MDM4: variants seen among roughly 807,000 people sequenced by gnomAD.
MDM4 encodes the protein MDM4 regulator of p53.
Under a neutral mutation model 60.2 loss-of-function variants are expected in MDM4, and 2 were observed. The observed-to-expected ratio is 0.03, with a 90% CI of 0.01 to 0.10. The LOEUF (loss-of-function observed/expected upper bound fraction) is 0.10. Among genes scored for constraint, MDM4 ranks in the 10% least tolerant of loss-of-function variants. The pLI, the probability that MDM4 is intolerant of heterozygous loss-of-function variation, is 1.00. For missense variants in MDM4, 447 were observed against 577.5 expected, an observed-to-expected ratio of 0.77 and a Z score of 2.32; for synonymous variants, 202 against 198.1, an observed-to-expected ratio of 1.02 and a Z score of -0.17.
chr1:204,543,361 C>T (rs1024216905), intron 8 of MDM4, among the ~76,000 whole-genome samples: 2 of 152,298 alleles, frequency 1.3e-5, no homozygotes, highest in East Asian at 3.9e-4. Context: ...ATTAGCCAGG[C>T]GTGGTGGCGT....
At chr1:204,540,959 G>A (rs1191387892) in intron 7 of MDM4, among the ~76,000 whole-genome samples, 1 of 152,102 alleles carries the variant, frequency 6.6e-6, no homozygotes, top group African/African-American at 2.4e-5. Flanking sequence ...TATTTTAAAA[G>A]CTTAAATTTG....
Position 204,532,177 on chromosome 1 carries a change from T to A in MDM4, c.288-14T>A. The A allele has an allele frequency of 6.4e-7, 1 of 1,564,632 alleles. No homozygotes were observed. Among genetic ancestry groups the A allele is most frequent in the East Asian group, 2.3e-5 (1 of 44,430 alleles). The stretch of plus-strand genomic sequence containing the variant: ...ATTTGGGGTTGTTAATTTTTTATCT[T>A]CTCTCTTTAACAGCCCTCTCTATGA... On this transcript the variant is annotated splice_polypyrimidine_tract_variant and intron_variant, in intron 4 of 10. Coordinates refer to ENST00000367182, the MANE Select transcript of MDM4 (RefSeq NM_002393.5).
chr1:204,533,050 A>G (rs2102365632), intron 5 of MDM4, among the ~76,000 whole-genome samples: 1 of 152,332 alleles, frequency 6.6e-6, no homozygotes, highest in South Asian at 2.1e-4. Context: ...TCTGTTACAC[A>G]GGTCACTCAA....
intron 8 of MDM4, among the ~76,000 whole-genome samples, chr1:204,543,744 C>G (rs1160551318): frequency 6.6e-6 from 1 of 152,220 alleles, no homozygotes; most frequent in Non-Finnish European, 1.5e-5. Flanking sequence ...ATAGCCTCCT[C>G]TCTAGCCACT....
At chr1:204,521,976 A>T (rs954700592) in intron 1 of MDM4, among the ~76,000 whole-genome samples, 2 of 152,184 alleles carry the variant, frequency 1.3e-5, no homozygotes, top group African/African-American at 4.8e-5. Context: ...GGGTGTTCAT[A>T]TGAGGCCTTG....
intron 2 of MDM4, 35 bp downstream of exon 2, chr1:204,525,631 T>TG: frequency 7.2e-7 from 1 of 1,394,344 alleles, no homozygotes; most frequent in Non-Finnish European, 9.9e-7. Flanking sequence ...TTTTTTGGTT[T>TG]TTTTTTTTTT....
Position 204,538,256 on chromosome 1 carries a change from C to T in MDM4, c.459C>T (p.Asp153=), listed in dbSNP as rs775928214. ...CTTCCAGAAAAAGAACTACAGAAGACGATATCCCCACACTGCCTACCTCAG... is the reference window on the plus strand; with the variant it reads ...CTTCCAGAAAAAGAACTACAGAAGATGATATCCCCACACTGCCTACCTCAG... The part of the protein sequence containing the change: ...SSTSRKRTTE[D]DIPTLPTSEH... The change falls in exon 7 of 11, where the codon GAC becomes GAT. Residue 153 remains aspartate, a synonymous_variant. Transcript: ENST00000367182. 1.4e-5 allele frequency: 23 copies of T among 1,611,824 alleles called. No individual in the cohort carries two copies. The Admixed American group carries it at 2.8e-4, about 20-fold the overall frequency.
intron 5 of MDM4, among the ~76,000 whole-genome samples, chr1:204,534,150 G>A (rs897610306): frequency 2.6e-5 from 4 of 152,124 alleles, no homozygotes; most frequent in Non-Finnish European, 5.9e-5. Context: ...CTGTCATACC[G>A]AAACATGATT....
rs747896110 is a variant in MDM4 at position 204,526,381 on chromosome 1, T to C, written c.100T>C (p.Leu34=). 6.2e-7 allele frequency: 1 copy of C among 1,614,106 alleles called. No homozygotes were observed. The highest frequency in any genetic ancestry group is 8.5e-7 in the Non-Finnish European group (1 of 1,179,940). ...TCAGGTACGACCAAAACTGCCGCTTTTGAAGATTTTGCATGCAGCAGGTGC... is the reference window on the plus strand; with the variant it reads ...TCAGGTACGACCAAAACTGCCGCTTCTGAAGATTTTGCATGCAGCAGGTGC... ...INQVRPKLPL[L]KILHAAGAQG... Residue 34 remains leucine, a synonymous_variant, in exon 3 of 11, where the codon TTG becomes CTG. Coordinates refer to ENST00000367182, the MANE Select transcript of MDM4 (RefSeq NM_002393.5).
At chr1:204,538,102 T>G in intron 6 of MDM4, 107 bp from the exon 7 acceptor site, 1 of 769,924 alleles carries the variant, frequency 1.3e-6, no homozygotes, top group East Asian at 2.4e-5. Flanking sequence ...CTTTCTTGTG[T>G]GTAACCCATT....
At chr1:204,523,169 C>T (rs948710602) in intron 1 of MDM4, among the ~76,000 whole-genome samples, 9 of 149,214 alleles carry the variant, frequency 6.0e-5, no homozygotes, top group Admixed American at 2.0e-4. Flanking sequence ...GGCTGATAGT[C>T]TTAAAAAAAT....
intron 7 of MDM4, 24 bp downstream of exon 7, chr1:204,538,332 T>C: frequency 7.9e-7 from 1 of 1,272,104 alleles, no homozygotes; most frequent in Non-Finnish European, 1.1e-6. Flanking sequence ...TAAGGCTATA[T>C]AGACTTTTGT....
chr1:204,540,185 T>C (rs919096353), intron 7 of MDM4, among the ~76,000 whole-genome samples: 3 of 151,636 alleles, frequency 2.0e-5, no homozygotes, highest in African/African-American at 7.3e-5. Flanking sequence ...CCCGGGAGGC[T>C]GAGGCAGGAG....
intron 3 of MDM4, among the ~76,000 whole-genome samples, chr1:204,530,387 C>T (rs1044317833): frequency 6.6e-6 from 1 of 152,054 alleles, no homozygotes; most frequent in Non-Finnish European, 1.5e-5. Flanking sequence ...TTTATTTGGA[C>T]GTCTGAGAAA....
intron 1 of MDM4, among the ~76,000 whole-genome samples, chr1:204,517,408 T>G (rs1659095634): frequency 6.6e-6 from 1 of 151,920 alleles, no homozygotes; most frequent in Non-Finnish European, 1.5e-5. Flanking sequence ...TTTTGTTTTG[T>G]TTTTGTTTTT....
intron 6 of MDM4, 150 bp from the exon 7 acceptor site, chr1:204,538,059 C>T: frequency 1.3e-6 from 1 of 769,212 alleles, no homozygotes; most frequent in Non-Finnish European, 2.4e-6. Context: ...GAGGTGTTGC[C>T]TTTATTTGAT....
At chr1:204,539,529 G>GTTTTTTT (rs1261336032) in intron 7 of MDM4, among the ~76,000 whole-genome samples, 1 of 139,566 alleles carries the variant, frequency 7.2e-6, no homozygotes, top group Non-Finnish European at 1.5e-5. Context: ...TTTTTTTTTT[G>GTTTTTTT]TTTTGTTTTG....
In MDM4 at chr1:204,550,188, A is replaced by AG. The variant is rs1264006927; in HGVS notation, c.*509dup. The AG allele has an allele frequency of 4.4e-6, 1 of 229,724 alleles. No homozygotes were observed. Among genetic ancestry groups the AG allele is most frequent in the Non-Finnish European group, 8.5e-6 (1 of 117,834 alleles). 14.2% of individuals were successfully genotyped at this position (229,724 alleles called of 1,614,324 possible). The stretch of plus-strand genomic sequence containing the variant: ...GGGTATAGGGGAGGTGTGGGGCGAC[A>AG]GGGTCTGTCTTGTTCTGTCTCCCAG... On this transcript the variant is annotated 3_prime_UTR_variant, in exon 11 of 11. Transcript: ENST00000367182.
At chr1:204,518,797 C>T (rs1659256592) in intron 1 of MDM4, among the ~76,000 whole-genome samples, 1 of 152,210 alleles carries the variant, frequency 6.6e-6, no homozygotes, top group Non-Finnish European at 1.5e-5. Flanking sequence ...ACGCAAGTAG[C>T]TGGATTACAG....
Sources: allele counts gnomAD v4.1 joint callset (sites outside exome capture counted in the v4.1 genomes callset), GRCh38; gene constraint gnomAD v4.1.1; transcripts MANE v1.5; gene names NCBI Gene and HGNC (gene_info 2026-07-23, HGNC 2026-07-21).